PLEC: variants seen among roughly 807,000 people sequenced by gnomAD.
The protein encoded by PLEC is hemidesmosomal protein 1.
A neutral mutation model predicts 392.8 loss-of-function variants in PLEC; 216 were observed. The ratio of observed to expected loss-of-function variants is 0.55; its 90% CI spans 0.49 to 0.62. The LOEUF (loss-of-function observed/expected upper bound fraction) is 0.62. Among genes scored for constraint, PLEC ranks in the 20% least tolerant of loss-of-function variants. PLEC has a pLI of 0.00. For missense variants in PLEC, 6,863 were observed against 6,563.4 expected (o/e 1.05, Z -1.58); for synonymous variants, 3,621 against 2,980.6 (o/e 1.21, Z -7.00).
rs188631065 is a variant in PLEC at position 143,948,569 on chromosome 8, C to A, written c.523+1615G>T. On this transcript the variant is annotated intron_variant, in intron 1 of 31. Transcript: ENST00000322810. Reference sequence around the variant, plus strand: ...AGGGGTTTGAGCCTGCTGGCCCTGACTCATCCCGGAGCTGTGGCTCGCTTC... The same window carrying A: ...AGGGGTTTGAGCCTGCTGGCCCTGAATCATCCCGGAGCTGTGGCTCGCTTC... Among the ~76,000 whole-genome samples, 579 of 152,372 alleles carry A rather than the reference C, an allele frequency of 3.8e-3. 2 individuals carry two copies. The highest frequency in any genetic ancestry group is 6.7e-3 in the Non-Finnish European group (457 of 68,032).
At chr8:143,966,017 T>C (rs1833069969) in intron 1 of PLEC, among the ~76,000 whole-genome samples, 5 of 152,002 alleles carry the variant, frequency 3.3e-5, no homozygotes. Flanking sequence ...GGACCCACCA[T>C]AGCCTGGCAC....
rs1554673134 is a variant in PLEC, at chr8:143,917,792, G to A, written c.12029C>T (p.Ala4010Val). 1 of 1,613,482 alleles carries A rather than the reference G, an allele frequency of 6.2e-7. No homozygotes were observed. The highest frequency in any genetic ancestry group is 8.5e-7 in the Non-Finnish European group (1 of 1,180,010). ...FKDKLLSAER[A>V]VTGYKDPYSG... ...GTAGGGGTCCTTGTACCCAGTGACG[G>A]CGCGCTCGGCCGACAGCAGCTTGTC... The change falls in exon 32 of 32, where the codon GCC becomes GTC. Residue 4010 changes from alanine (A) to valine (V), a missense_variant. Coordinates refer to ENST00000345136, the MANE Select transcript of PLEC (RefSeq NM_201384.3).
chr8:143,932,111 C>G lies in PLEC; in HGVS notation c.2082+19G>C, dbSNP rs377664571. On this transcript the variant is annotated intron_variant, in intron 17 of 31. Coordinates refer to ENST00000345136, the MANE Select transcript of PLEC (RefSeq NM_201384.3). ...GCACGGCCCCCCCCGCAGCCCCGCC[C>G]CTACCCAGGGAGCCCCACCTCCACC... is the stretch of plus-strand genomic sequence containing the variant. 68 of 1,606,508 alleles carry G rather than the reference C, an allele frequency of 4.2e-5. No homozygotes were observed. Among genetic ancestry groups the G allele is most frequent in the Non-Finnish European group, 5.8e-5 (68 of 1,177,946 alleles).
Position 143,917,263 on chromosome 8 carries a change from CGAG to C in PLEC, c.12555_12557del (p.Ser4186del), listed in dbSNP as rs782372265. On this transcript the variant is annotated inframe_deletion, in exon 32 of 32. Coordinates refer to ENST00000345136, the MANE Select transcript of PLEC (RefSeq NM_201384.3). ...TGATCATGGACTTGACCACGCCGTC[CGAG>C]GAGGAGATGGTGATCTCCTCCCACT... 8.1e-6 allele frequency: 13 copies of C among 1,611,132 alleles called. No individual in the cohort carries two copies. The highest frequency in any genetic ancestry group is 2.2e-5 in the East Asian group (1 of 44,802).
rs555720538 is a variant in PLEC at position 143,922,151 on chromosome 8, C to T, written c.7670G>A (p.Arg2557Gln). 3.2e-5 allele frequency: 49 copies of T among 1,539,748 alleles called. No homozygotes were observed. The highest frequency in any genetic ancestry group is 2.0e-4 in the African/African-American group (15 of 73,340). Residue 2557 changes from arginine to glutamine, a missense_variant, in exon 32 of 32, where the codon CGG becomes CAG. Arg to Gln is a conservative substitution (Grantham distance 43). Transcript: ENST00000345136. ...GCCCTCCTCGGCCTCATGCTGCCGC[C>T]GCCGCGCCTCCTCCATGCTGGCCAC... ...RLVASMEEAR[R>Q]RQHEAEEGVR...
At chr8:143,943,978 C>T (rs1316595040), upstream of PLEC, 10 of 1,542,848 alleles carry the variant, frequency 6.5e-6, no homozygotes, top group Admixed American at 1.9e-5. Context: ...GCGTGCAGGG[C>T]GAGCGAGGGG....
Position 143,919,254 on chromosome 8 carries a change from ACGTGAGGTTCTCATG to A in PLEC, c.10552_10566del (p.His3518_Thr3522del). The A allele has an allele frequency of 6.2e-7, 1 of 1,613,878 alleles. No individual in the cohort carries two copies. Among genetic ancestry groups the A allele is most frequent in the Non-Finnish European group, 8.5e-7 (1 of 1,180,006 alleles). ...ACGCACCGCTCCAGCAGCTGCCTGT[ACGTGAGGTTCTCATG>A]CGTGTTGGGGTCAAAGAAGCCCTTG... On this transcript the variant is annotated inframe_deletion, in exon 32 of 32. Transcript: ENST00000345136.
In PLEC at chr8:143,923,637, C is replaced by G. The variant is rs782543560; in HGVS notation, c.6292G>C (p.Val2098Leu). The change falls in exon 31 of 32, where the codon GTG (valine) becomes CTG (leucine). Residue 2098 changes from valine (V) to leucine (L), a missense_variant. Transcript: ENST00000345136. ...RAAEEAEEARVQAEREAAQSR... is the reference protein window; with the variant it reads ...RAAEEAEEARLQAEREAAQSR... ...TGCGCCGCCTCACGCTCCGCCTGCA[C>G]CCGGGCCTCCTCCGCCTCCTCAGCC... 7 of 1,582,990 alleles carry G rather than the reference C, an allele frequency of 4.4e-6. No homozygotes were observed. In the African/African-American group the frequency reaches 8.1e-5, roughly 18 times the overall value.
In PLEC at chr8:143,920,294, G is replaced by A. The variant is rs781913701; in HGVS notation, c.9527C>T (p.Ala3176Val). 2.5e-6 allele frequency: 4 copies of A among 1,590,326 alleles called. No individual in the cohort carries two copies. The highest frequency in any genetic ancestry group is 3.4e-6 in the Non-Finnish European group (4 of 1,174,604). ...GGGGTCACTGTAGGCCTTGGCGTCG[G>A]CCCTTGGTGCCGACAGGGCCCTGCT... The part of the protein sequence containing the change: ...ETSRALSAPR[A>V]DAKAYSDPST... The change falls in exon 32 of 32, where the codon GCC (alanine) becomes GTC (valine). Residue 3176 changes from alanine to valine, a missense_variant. By Grantham distance (64) the Ala-to-Val change is moderately conservative. Transcript: ENST00000345136.
At position 143,929,442 on chromosome 8, in the gene PLEC, T is replaced by G; in HGVS notation, c.3053A>C (p.Glu1018Ala). The part of the protein sequence containing the change: ...RLPLDKEPAR[E>A]CAQRIAEQQK... ...CTGCTCGGCGATGCGCTGGGCACAC[T>G]CCCGTGCCGGCTCTTTGTCCAGCGG... is the stretch of plus-strand genomic sequence containing the variant. Residue 1018 changes from glutamate (E) to alanine (A), a missense_variant, in exon 24 of 32, where the codon GAG (glutamate) becomes GCG (alanine). Coordinates refer to ENST00000345136, the MANE Select transcript of PLEC (RefSeq NM_201384.3). 5 of 1,581,556 alleles carry G rather than the reference T, an allele frequency of 3.2e-6. No homozygotes were observed. Among genetic ancestry groups the G allele is most frequent in the Non-Finnish European group, 4.3e-6 (5 of 1,165,738 alleles).
chr8:143,947,273 G>C, intron 1 of PLEC, among the ~76,000 whole-genome samples: 1 of 152,180 alleles, frequency 6.6e-6, no homozygotes, highest in East Asian at 1.9e-4. Flanking sequence ...AGTCATGGTG[G>C]CTACCCAACC....
chr8:143,930,325 A>G, intron 20 of PLEC, 27 bp from the exon 21 acceptor site: 3 of 1,595,364 alleles, frequency 1.9e-6, no homozygotes, highest in South Asian at 1.1e-5. Context: ...CGGTGAGGAC[A>G]TGGCCACACC....
At position 143,934,653 on chromosome 8, in the gene PLEC, G is replaced by T; in HGVS notation, c.1023C>A (p.Gly341=). 6.2e-7 allele frequency: 1 copy of T among 1,613,132 alleles called. No homozygotes were observed. The highest frequency in any genetic ancestry group is 8.5e-7 in the Non-Finnish European group (1 of 1,179,870). ...AKEADKNRSK[G]IYQSLEGAVQ... ...CACTCACCTCCAGGGATTGGTAGAT[G>T]CCCTTGGACCTGTTCTTGTCGGCCT... The change falls in exon 10 of 32, where the codon GGC becomes GGA. Residue 341 remains glycine, a synonymous_variant. Transcript: ENST00000345136.
rs782479434 is a variant in PLEC, at chr8:143,936,048, C to T, written c.436-34G>A. The T allele has an allele frequency of 3.7e-6, 6 of 1,607,208 alleles. No individual in the cohort carries two copies. In the African/African-American group the frequency reaches 6.7e-5, roughly 18 times the overall value. Reference sequence around the variant, plus strand: ...AGCAGAGAGGAGGCCACAGCTCAGCCACAGCCACCAGGCCTGCTCTGTGCC... The same window carrying T: ...AGCAGAGAGGAGGCCACAGCTCAGCTACAGCCACCAGGCCTGCTCTGTGCC... On this transcript the variant is annotated intron_variant, in intron 5 of 31. Transcript: ENST00000345136.
intron 1 of PLEC, among the ~76,000 whole-genome samples, chr8:143,967,964 C>T (rs1370489852): frequency 6.6e-6 from 1 of 151,988 alleles, no homozygotes; most frequent in African/African-American, 2.4e-5. Context: ...CCTATCTCTA[C>T]TAAAAATACA....
chr8:143,926,024 G>A (rs1056178319), intron 30 of PLEC, 140 bp from the exon 31 acceptor site: 3 of 984,042 alleles, frequency 3.0e-6, no homozygotes, highest in Middle Eastern at 3.0e-4. Context: ...CCCGGCGGAG[G>A]AGACAGCGTG....
At chr8:143,944,174 A>G (rs1378844013), upstream of PLEC, among the ~76,000 whole-genome samples, 6 of 151,862 alleles carry the variant, frequency 4.0e-5, no homozygotes, top group African/African-American at 1.4e-4. Flanking sequence ...GCTCAAGGTT[A>G]GTTGGCCTTA....
chr8:143,936,177 T>C lies in PLEC; in HGVS notation c.436-163A>G, dbSNP rs58905421. On this transcript the variant is annotated intron_variant, in intron 5 of 31. Coordinates refer to ENST00000345136, the MANE Select transcript of PLEC (RefSeq NM_201384.3). The stretch of plus-strand genomic sequence containing the variant: ...ACCGGGCTCCAGGGCCCTTCCCTGT[T>C]GGGAAGCTGCTGGGACTGGCCATGC... Among the ~76,000 whole-genome samples, 11,903 of 152,020 alleles carry C rather than the reference T, an allele frequency of 0.078. 1,543 individuals are homozygous for C. The highest frequency in any genetic ancestry group is 0.27 in the African/African-American group (11,242 of 41,460).
At chr8:143,957,202 C>T (rs1017786868), upstream of PLEC, among the ~76,000 whole-genome samples, 6 of 152,180 alleles carry the variant, frequency 3.9e-5, no homozygotes, top group African/African-American at 1.2e-4. Context: ...GGAAGCTGGG[C>T]GCCCTGGTGA....
Sources: allele counts gnomAD v4.1 joint callset (sites outside exome capture counted in the v4.1 genomes callset), GRCh38; gene constraint gnomAD v4.1.1; transcripts MANE v1.5; gene names NCBI Gene and HGNC (gene_info 2026-07-23, HGNC 2026-07-21).